The following TTC39C variants were observed in gnomAD, a reference collection of about 807,000 sequenced individuals.
TTC39C encodes the protein tetratricopeptide repeat protein 39C.
TTC39C carries 33 observed loss-of-function variants against 76.3 expected under a neutral mutation model. That is an observed-to-expected ratio of 0.43 (90% CI 0.33 to 0.58). TTC39C has a LOEUF of 0.58. Among genes scored for constraint, TTC39C ranks in the 20% least tolerant of loss-of-function variants. TTC39C has a pLI of 0.04. For missense variants in TTC39C, 595 were observed against 701.4 expected (o/e 0.85, Z 1.71); for synonymous variants, 254 against 260.6 (o/e 0.97, Z 0.24).
chr18:24,056,327 C>T (rs1405024215), intron 1 of TTC39C, among the ~76,000 whole-genome samples: 5 of 152,042 alleles, frequency 3.3e-5, no homozygotes, highest in Non-Finnish European at 5.9e-5. Context: ...GGAGTCGAAA[C>T]CCCCCACACA....
intron 11 of TTC39C, 107 bp from the exon 12 acceptor site, chr18:24,130,206 A>G (rs2085107022): frequency 3.8e-6 from 2 of 522,046 alleles, no homozygotes; most frequent in African/African-American, 4.1e-5. Context: ...AATCTGATCT[A>G]GAAAACAGAG....
chr18:24,097,956 T>C (rs1445554362), intron 6 of TTC39C, among the ~76,000 whole-genome samples: 4 of 152,192 alleles, frequency 2.6e-5, no homozygotes, highest in African/African-American at 9.6e-5. Context: ...TGTAAAAAAA[T>C]TTGAAATTCA....
At chr18:24,113,956 A>C in intron 6 of TTC39C, 1 of 441,586 alleles carries the variant, frequency 2.3e-6, no homozygotes, top group Non-Finnish European at 4.2e-6. Context: ...GAGCAGAAGC[A>C]ATTGGAGAAC....
intron 1 of TTC39C, among the ~76,000 whole-genome samples, chr18:24,027,587 C>T (rs2083614935): frequency 1.4e-5 from 2 of 147,802 alleles, no homozygotes; most frequent in Non-Finnish European, 3.0e-5. Flanking sequence ...TGAGATAGGG[C>T]CTCGCTCTGT....
chr18:24,063,004 GT>G (rs2084118244), intron 1 of TTC39C, among the ~76,000 whole-genome samples: 1 of 152,150 alleles, frequency 6.6e-6, no homozygotes, highest in Non-Finnish European at 1.5e-5. Flanking sequence ...CATATATTCT[GT>G]ATTTATAGTC....
intron 1 of TTC39C, among the ~76,000 whole-genome samples, chr18:24,002,856 G>A (rs2083324713): frequency 6.6e-6 from 1 of 152,184 alleles, no homozygotes; most frequent in Non-Finnish European, 1.5e-5. Flanking sequence ...GCAACAGAAA[G>A]AGAACTAACA....
At chr18:24,066,482 G>A (rs114636002) in intron 3 of TTC39C, among the ~76,000 whole-genome samples, 2,241 of 152,234 alleles carry the variant, frequency 0.015, 54 homozygotes, top group African/African-American at 0.05. Context: ...GCATTTTGGT[G>A]TAATTCTGGA....
intron 7 of TTC39C, among the ~76,000 whole-genome samples, chr18:24,116,107 CCTGAGTTATTCCTGACTTATTT>C (rs1309297060): frequency 6.6e-6 from 1 of 152,172 alleles, no homozygotes; most frequent in Non-Finnish European, 1.5e-5. Flanking sequence ...CTGACTTATT[CCTGAGTTATTCCTGACTTATTT>C]CTGAGTTATT....
At chr18:24,089,510 G>A (rs188951258) in intron 6 of TTC39C, among the ~76,000 whole-genome samples, 16 of 152,246 alleles carry the variant, frequency 1.1e-4, no homozygotes, top group East Asian at 1.9e-4. Flanking sequence ...GGATATGAAG[G>A]ATGTATTTGT....
intron 6 of TTC39C, among the ~76,000 whole-genome samples, chr18:24,104,094 G>C (rs2084714623): frequency 6.6e-6 from 1 of 152,088 alleles, no homozygotes; most frequent in South Asian, 2.1e-4. Flanking sequence ...ACCACGCCCG[G>C]CTAATTTTTG....
chr18:24,090,195 T>A (rs1320383991), intron 6 of TTC39C, among the ~76,000 whole-genome samples: 1 of 152,170 alleles, frequency 6.6e-6, no homozygotes, highest in Non-Finnish European at 1.5e-5. Context: ...TTCAATGTGA[T>A]AGCAAGTACT....
intron 1 of TTC39C, 39 bp downstream of exon 1, chr18:24,015,077 G>A: frequency 7.3e-7 from 1 of 1,379,100 alleles, no homozygotes. Context: ...CCTGCAGCGC[G>A]CACCTCGTGT....
At chr18:24,030,023 A>G (rs556322111) in intron 1 of TTC39C, among the ~76,000 whole-genome samples, 1 of 152,314 alleles carries the variant, frequency 6.6e-6, no homozygotes, top group South Asian at 2.1e-4. Flanking sequence ...AGTACCCAGT[A>G]GTGAGATTGC....
intron 1 of TTC39C, among the ~76,000 whole-genome samples, chr18:24,036,191 G>T (rs928634806): frequency 6.6e-6 from 1 of 152,178 alleles, no homozygotes; most frequent in Non-Finnish European, 1.5e-5. Flanking sequence ...TCTTTTTCAA[G>T]ATATTTTGGC....
chr18:24,051,458 G>C (rs1185227556), intron 1 of TTC39C, among the ~76,000 whole-genome samples: 1 of 152,214 alleles, frequency 6.6e-6, no homozygotes, highest in Non-Finnish European at 1.5e-5. Context: ...CTGACCTGCA[G>C]GGACATCTGG....
intron 1 of TTC39C, among the ~76,000 whole-genome samples, chr18:24,027,021 G>A (rs2083606917): frequency 6.6e-6 from 1 of 152,222 alleles, no homozygotes; most frequent in Non-Finnish European, 1.5e-5. Context: ...GCTGGGCACA[G>A]TGCCTCACAC....
rs2084207240 is a variant in TTC39C, at chr18:24,069,270, A to G, written c.459A>G (p.Ser153=). 6.2e-7 allele frequency: 1 copy of G among 1,611,854 alleles called. No individual in the cohort carries two copies. Residue 153 remains serine, a splice_region_variant and synonymous_variant, in exon 4 of 14, where the codon TCA becomes TCG. Coordinates refer to ENST00000317571, the MANE Select transcript of TTC39C (RefSeq NM_001135993.2). ...AVLSFVKQEL[S]AYIKGGWILR... is the part of the protein sequence containing the mutation. The stretch of plus-strand genomic sequence containing the variant: ...TTTCATTTGTAAAACAAGAATTGTC[A>G]GGTATGCTGAAGCATTATTTTTAAT...
chr18:24,008,086 G>T (rs1030455996), intron 1 of TTC39C, among the ~76,000 whole-genome samples: 9 of 152,140 alleles, frequency 5.9e-5, no homozygotes, highest in Admixed American at 2.6e-4. Flanking sequence ...TCAGTGCATT[G>T]CAGGACCAGA....
intron 6 of TTC39C, among the ~76,000 whole-genome samples, chr18:24,089,634 G>T (rs2084493442): frequency 6.6e-6 from 1 of 152,160 alleles, no homozygotes; most frequent in Non-Finnish European, 1.5e-5. Flanking sequence ...CTACCTATCT[G>T]TTGGGTTGAA....
Sources: allele counts gnomAD v4.1 joint callset (sites outside exome capture counted in the v4.1 genomes callset), GRCh38; gene constraint gnomAD v4.1.1; transcripts MANE v1.5; gene names NCBI Gene and HGNC (gene_info 2026-07-23, HGNC 2026-07-21).